PCDH11X: variants seen among roughly 807,000 people sequenced by gnomAD.
The protein encoded by PCDH11X is protocadherin 11 X-linked.
A neutral mutation model predicts 53.3 loss-of-function variants in PCDH11X; 18 were observed. The ratio of observed to expected loss-of-function variants is 0.34; its 90% CI spans 0.23 to 0.50. The LOEUF (loss-of-function observed/expected upper bound fraction) is 0.50, where lower values mean the gene tolerates loss of function less well. Ranked by LOEUF, PCDH11X falls within the 20% of genes least tolerant of loss-of-function variation. The probability of loss-of-function intolerance (pLI) is 0.98; values close to 1 mark genes in which losing one functional copy is unlikely to be tolerated. For synonymous variants in PCDH11X, 279 were observed against 393.3 expected, an observed-to-expected ratio of 0.71 and a Z score of 3.44; for missense variants, 570 against 1,032.4, an observed-to-expected ratio of 0.55 and a Z score of 6.14.
chrX:92,382,002 C>T (rs1474294706), intron 8 of PCDH11X, among the ~76,000 whole-genome samples: 3 of 110,618 alleles, frequency 2.7e-5, no homozygotes, highest in Non-Finnish European at 5.7e-5. Flanking sequence ...GTTAATTATG[C>T]TAGTAGACTA....
intron 6 of PCDH11X, among the ~76,000 whole-genome samples, chrX:92,104,355 C>A (rs1188028574): frequency 1.8e-5 from 2 of 110,301 alleles, no homozygotes; most frequent in African/African-American, 6.6e-5. Context: ...GGGGTTGGTA[C>A]TGAGGGGACA....
rs190027835 is a variant in PCDH11X, at chrX:92,144,475, A to G, written c.3034-56900A>G. ...TCTTATGAGATCTGATAGGTGTGTC[A>G]GGGTTTTCCGCTTTTGCTTCTTCCT... On this transcript the variant is annotated intron_variant, in intron 6 of 10. Transcript: ENST00000682573. Among the ~76,000 whole-genome samples, 516 of 111,202 alleles carry G rather than the reference A, an allele frequency of 4.6e-3. 5 individuals carry two copies. Among genetic ancestry groups the G allele is most frequent in the African/African-American group, 0.016 (498 of 30,279 alleles).
chrX:92,121,363 C>T (rs1185545122), intron 6 of PCDH11X, among the ~76,000 whole-genome samples: 1 of 111,000 alleles, frequency 9.0e-6, no homozygotes, highest in African/African-American at 3.3e-5. Flanking sequence ...ACCAGGTTGG[C>T]CAGGCTGGTC....
intron 7 of PCDH11X, among the ~76,000 whole-genome samples, chrX:92,218,996 A>G (rs1160434287): frequency 1.8e-5 from 2 of 111,558 alleles, no homozygotes; most frequent in Admixed American, 1.9e-4. Context: ...AAATTCAACA[A>G]CACTTCATGC....
chrX:91,905,888 G>C (rs2524583), intron 6 of PCDH11X, among the ~76,000 whole-genome samples: 1 of 109,424 alleles, frequency 9.1e-6, no homozygotes, highest in Non-Finnish European at 1.9e-5. Flanking sequence ...TTATTGTGAC[G>C]TTTCCTGCAT....
intron 8 of PCDH11X, among the ~76,000 whole-genome samples, chrX:92,364,165 G>C (rs2070409264): frequency 9.0e-6 from 1 of 111,619 alleles, no homozygotes; most frequent in African/African-American, 3.3e-5. Flanking sequence ...TCATATAATA[G>C]TCATGTGCTA....
chrX:91,876,692 A>T (rs1219455818), intron 5 of PCDH11X, 89 bp from the exon 6 acceptor site: 1 of 901,791 alleles, frequency 1.1e-6, no homozygotes. Flanking sequence ...AGCTAACATA[A>T]GTTAAATTAT....
intron 9 of PCDH11X, among the ~76,000 whole-genome samples, chrX:92,399,842 C>G (rs1391065493): frequency 4.6e-5 from 5 of 108,935 alleles, no homozygotes; most frequent in Admixed American, 1.0e-4. Context: ...CCTGGGTTCA[C>G]GCCATTCTCC....
At chrX:92,417,264 A>T (rs2071834499) in intron 9 of PCDH11X, among the ~76,000 whole-genome samples, 2 of 112,093 alleles carry the variant, frequency 1.8e-5, no homozygotes, top group South Asian at 7.3e-4. Context: ...ACATTTGCAA[A>T]GTGTCAAACA....
chrX:92,095,822 T>C (rs1211469365), intron 6 of PCDH11X, among the ~76,000 whole-genome samples: 1 of 112,199 alleles, frequency 8.9e-6, no homozygotes, highest in Non-Finnish European at 1.9e-5. Flanking sequence ...ATCTTCACTT[T>C]GAGAAATCTT....
At chrX:91,968,005 T>C (rs2061891842) in intron 6 of PCDH11X, among the ~76,000 whole-genome samples, 1 of 111,814 alleles carries the variant, frequency 8.9e-6, no homozygotes, top group Admixed American at 9.5e-5. Flanking sequence ...TTGAACAATG[T>C]CTTCTGAATG....
intron 6 of PCDH11X, among the ~76,000 whole-genome samples, chrX:92,119,822 TTTAA>T (rs1246275956): frequency 3.6e-5 from 4 of 111,691 alleles, no homozygotes; most frequent in South Asian, 3.7e-4. Flanking sequence ...ATTTTACACA[TTTAA>T]TTGTTTATCT....
At chrX:91,966,065 T>C (rs12852751) in intron 6 of PCDH11X, among the ~76,000 whole-genome samples, 1 of 111,145 alleles carries the variant, frequency 9.0e-6, no homozygotes, top group Non-Finnish European at 1.9e-5. Flanking sequence ...ACAGGAACTA[T>C]AGAGGGGCAA....
chrX:92,022,798 G>A (rs929495857), intron 6 of PCDH11X, among the ~76,000 whole-genome samples: 18 of 111,603 alleles, frequency 1.6e-4, no homozygotes, highest in Admixed American at 1.9e-4. Context: ...AAATGCAAAA[G>A]AACTGAAATC....
chrX:92,216,464 G>T (rs1432888422), intron 7 of PCDH11X, among the ~76,000 whole-genome samples: 2 of 104,329 alleles, frequency 1.9e-5, no homozygotes, highest in Non-Finnish European at 3.9e-5. Context: ...GATGGAAGAT[G>T]AAATGAATGA....
intron 6 of PCDH11X, among the ~76,000 whole-genome samples, chrX:91,992,893 A>T (rs1204213318): frequency 8.9e-6 from 1 of 112,106 alleles, no homozygotes; most frequent in East Asian, 2.8e-4. Flanking sequence ...TTATGCTTTA[A>T]CTATCAGATA....
chrX:91,816,136 C>T (rs1231103686), intron 4 of PCDH11X, among the ~76,000 whole-genome samples: 2 of 110,338 alleles, frequency 1.8e-5, no homozygotes, highest in South Asian at 3.9e-4. Context: ...CCCACACCCC[C>T]CCAAAAAAAA....
chrX:92,478,694 T>C (rs2073440651), intron 10 of PCDH11X, among the ~76,000 whole-genome samples: 1 of 111,025 alleles, frequency 9.0e-6, no homozygotes, highest in South Asian at 3.8e-4. Context: ...TGAGCAATTT[T>C]CTTAGTCTTG....
intron 8 of PCDH11X, among the ~76,000 whole-genome samples, chrX:92,267,586 A>C (rs1194441906): frequency 8.9e-6 from 1 of 112,216 alleles, no homozygotes; most frequent in Non-Finnish European, 1.9e-5. Flanking sequence ...GGTGTCTCCA[A>C]GGTATTGCTT....
Sources: gnomAD v4.1 joint callset for allele counts (sites outside exome capture counted in the v4.1 genomes callset) on GRCh38, gnomAD v4.1.1 for gene constraint, MANE v1.5 for transcripts, NCBI Gene and HGNC (gene_info 2026-07-23, HGNC 2026-07-21) for gene names.